The following HECW2 variants were observed in gnomAD, a reference collection of about 807,000 sequenced individuals.
The protein encoded by HECW2 is HECT, C2 and WW domain containing E3 ubiquitin protein ligase 2.
Under a neutral mutation model 175.2 loss-of-function variants are expected in HECW2, and 61 were observed. That is an observed-to-expected ratio of 0.35 (90% CI 0.28 to 0.43). The LOEUF is 0.43. Among genes scored for constraint, HECW2 ranks in the 20% least tolerant of loss-of-function variants. The pLI is 1.00. For synonymous variants in HECW2, 671 were observed against 731.0 expected (o/e 0.92, Z 1.32); for missense variants, 1,524 against 2,000.5 (o/e 0.76, Z 4.54).
chr2:196,428,010 T>C (rs1043712388), intron 2 of HECW2, among the ~76,000 whole-genome samples: 1 of 152,182 alleles, frequency 6.6e-6, no homozygotes, highest in African/African-American at 2.4e-5. Flanking sequence ...CTACAAGTCA[T>C]CTGGAGTGAG....
chr2:196,220,761 A>G (rs1210313922), intron 25 of HECW2, 34 bp downstream of exon 25: 3 of 1,610,618 alleles, frequency 1.9e-6, no homozygotes, highest in Non-Finnish European at 2.5e-6. Flanking sequence ...TTGATATCAG[A>G]CTGCAAACTC....
chr2:196,483,842 C>A (rs779585530), intron 1 of HECW2, among the ~76,000 whole-genome samples: 6 of 152,164 alleles, frequency 3.9e-5, no homozygotes, highest in Non-Finnish European at 8.8e-5. Context: ...AATACATCAG[C>A]CACTTGCAAA....
intron 2 of HECW2, among the ~76,000 whole-genome samples, chr2:196,399,907 T>A (rs1694773982): frequency 6.6e-6 from 1 of 152,196 alleles, no homozygotes; most frequent in Non-Finnish European, 1.5e-5. Flanking sequence ...AAGCCCAGTA[T>A]TAGTATAAGA....
intron 13 of HECW2, among the ~76,000 whole-genome samples, chr2:196,294,398 T>C (rs1048596940): frequency 7.2e-5 from 11 of 152,228 alleles, no homozygotes; most frequent in African/African-American, 2.4e-4. Flanking sequence ...TGGATTCGTT[T>C]TATCTTTAGT....
At chr2:196,367,635 G>A (rs887194036) in intron 2 of HECW2, among the ~76,000 whole-genome samples, 7 of 151,862 alleles carry the variant, frequency 4.6e-5, no homozygotes, top group South Asian at 4.2e-4. Flanking sequence ...CACTTCCCCC[G>A]CAACCCACTA....
At chr2:196,346,880 C>T (rs920637104) in intron 2 of HECW2, among the ~76,000 whole-genome samples, 10 of 149,940 alleles carry the variant, frequency 6.7e-5, no homozygotes, top group East Asian at 4.2e-4. Context: ...TGGTGACAGG[C>T]GCCTGTAATC....
intron 13 of HECW2, among the ~76,000 whole-genome samples, chr2:196,303,004 G>T (rs569051369): frequency 6.6e-6 from 1 of 152,332 alleles, no homozygotes; most frequent in South Asian, 2.1e-4. Flanking sequence ...ATTTCAAGGG[G>T]AATGTTTCCA....
In HECW2 at chr2:196,382,429, T is replaced by C. The variant is rs546853348; in HGVS notation, c.293-38665A>G. Reference sequence around the variant, plus strand: ...GAAAGTTTTTTGGGCCAAATGACTATATTACTTAATCGAAAAAAGGCCTCT... The same window carrying C: ...GAAAGTTTTTTGGGCCAAATGACTACATTACTTAATCGAAAAAAGGCCTCT... On this transcript the variant is annotated intron_variant, in intron 2 of 28. Coordinates refer to ENST00000644978, the MANE Select transcript of HECW2 (RefSeq NM_001348768.2). Among the ~76,000 whole-genome samples the C allele has an allele frequency of 2.6e-5, 4 of 151,886 alleles. No individual in the cohort carries two copies. The South Asian group carries it at 8.3e-4, about 32-fold the overall frequency.
intron 3 of HECW2, among the ~76,000 whole-genome samples, chr2:196,339,748 A>G (rs1042330897): frequency 3.3e-5 from 5 of 152,224 alleles, no homozygotes; most frequent in African/African-American, 1.2e-4. Context: ...TAAAACTCAC[A>G]AATGCATACT....
At position 196,278,528 on chromosome 2, in the gene HECW2, C is replaced by T. The variant is rs148753553; in HGVS notation, c.3135G>A (p.Glu1045=). The change falls in exon 15 of 29, where the codon GAG becomes GAA. Residue 1045 remains glutamate, a splice_region_variant and synonymous_variant. Transcript: ENST00000644978. The part of the protein sequence containing the change: ...LTRQRSHSAG[E]VGEDSRHAGP... ...TCAGTCCCCAAAACGCATGACTCAC[C>T]TCACCCGCACTGTGGCTGCGTTGCC... 6 of 1,613,566 alleles carry T rather than the reference C, an allele frequency of 3.7e-6. No homozygotes were observed. Among genetic ancestry groups the T allele is most frequent in the African/African-American group, 1.3e-5 (1 of 74,860 alleles).
intron 14 of HECW2, among the ~76,000 whole-genome samples, chr2:196,282,044 T>C (rs1304468398): frequency 3.3e-5 from 5 of 152,180 alleles, no homozygotes; most frequent in African/African-American, 9.7e-5. Flanking sequence ...TTTTCACAAA[T>C]AATAGTTTTC....
intron 28 of HECW2, among the ~76,000 whole-genome samples, chr2:196,202,865 T>C (rs574858833): frequency 1.3e-5 from 2 of 152,330 alleles, no homozygotes; most frequent in East Asian, 1.9e-4. Flanking sequence ...TATTTGCATA[T>C]ATATAATGAG....
At chr2:196,247,389 T>C (rs1575289168) in intron 19 of HECW2, among the ~76,000 whole-genome samples, 1 of 152,204 alleles carries the variant, frequency 6.6e-6, no homozygotes, top group East Asian at 1.9e-4. Flanking sequence ...TACAAAATGT[T>C]CTTGGAAGAT....
At chr2:196,300,432 A>G (rs1691001711) in intron 13 of HECW2, among the ~76,000 whole-genome samples, 1 of 152,276 alleles carries the variant, frequency 6.6e-6, no homozygotes, top group African/African-American at 2.4e-5. Flanking sequence ...ACAAACACAC[A>G]TAACATGAAG....
At chr2:196,298,845 A>G (rs983668309) in intron 13 of HECW2, among the ~76,000 whole-genome samples, 5 of 152,262 alleles carry the variant, frequency 3.3e-5, no homozygotes, top group Non-Finnish European at 5.9e-5. Flanking sequence ...TAATACGAAC[A>G]GGGAAGTAAC....
At chr2:196,444,880 G>A (rs1312299968) in intron 1 of HECW2, among the ~76,000 whole-genome samples, 1 of 152,022 alleles carries the variant, frequency 6.6e-6, no homozygotes, top group African/African-American at 2.4e-5. Flanking sequence ...TTTTTTCCCT[G>A]GATTTCTTTA....
chr2:196,487,667 G>A (rs1410974297), intron 1 of HECW2, among the ~76,000 whole-genome samples: 2 of 152,072 alleles, frequency 1.3e-5, no homozygotes, highest in Non-Finnish European at 2.9e-5. Flanking sequence ...TGACACACAC[G>A]GTCTTCTAAG....
At chr2:196,206,128 G>C (rs1202705636) in intron 28 of HECW2, among the ~76,000 whole-genome samples, 1 of 152,168 alleles carries the variant, frequency 6.6e-6, no homozygotes. Flanking sequence ...GTTGATGTTG[G>C]CAGCAAAAGT....
At chr2:196,581,157 G>A (rs1253785580) in intron 1 of HECW2, among the ~76,000 whole-genome samples, 4 of 152,178 alleles carry the variant, frequency 2.6e-5, no homozygotes, top group Admixed American at 6.5e-5. Flanking sequence ...CTACTAATGG[G>A]TATGTAGTTT....
Sources: allele counts gnomAD v4.1 joint callset (sites outside exome capture counted in the v4.1 genomes callset), GRCh38; gene constraint gnomAD v4.1.1; transcripts MANE v1.5; gene names NCBI Gene and HGNC (gene_info 2026-07-23, HGNC 2026-07-21).